PTPRJ: variants seen among roughly 807,000 people sequenced by gnomAD.
PTPRJ encodes receptor-type tyrosine-protein phosphatase eta.
In PTPRJ, 129 loss-of-function variants were observed where a neutral mutation model predicts 141.3. That is an observed-to-expected ratio of 0.91 (90% confidence interval 0.79 to 1.06). The LOEUF (loss-of-function observed/expected upper bound fraction) is 1.06, where lower values mean the gene tolerates loss of function less well. PTPRJ is among the 50% of genes least tolerant of loss of function. PTPRJ has a pLI of 0.00. For synonymous variants in PTPRJ, 610 were observed against 640.5 expected (o/e 0.95, Z 0.72); for missense variants, 1,601 against 1,679.7 (o/e 0.95, Z 0.82).
intron 1 of PTPRJ, among the ~76,000 whole-genome samples, chr11:48,104,287 A>G (rs978748493): frequency 6.6e-6 from 1 of 152,162 alleles, no homozygotes; most frequent in African/African-American, 2.4e-5. Context: ...CTGTCATTTT[A>G]ATGATTTACC....
chr11:48,113,286 A>G (rs2134328510), intron 3 of PTPRJ, among the ~76,000 whole-genome samples: 1 of 152,306 alleles, frequency 6.6e-6, no homozygotes, highest in Middle Eastern at 3.4e-3. Flanking sequence ...TACAAATATC[A>G]AGGTCATCCT....
chr11:48,127,652 A>G, intron 6 of PTPRJ, 128 bp from the exon 7 acceptor site: 1 of 955,308 alleles, frequency 1.0e-6, no homozygotes, highest in Admixed American at 2.4e-5. Flanking sequence ...GCCACGGTTG[A>G]TGGTGCAGAG....
chr11:48,144,721 CA>C lies in PTPRJ; in HGVS notation c.2627del (p.Lys876ArgfsTer8). On this transcript the variant is annotated frameshift_variant, in exon 13 of 25. Coordinates refer to ENST00000418331, the MANE Select transcript of PTPRJ (RefSeq NM_002843.4). LOFTEE classifies it high-confidence loss of function. ...DVLKYTYEDFKKGASDTYVTY... is the reference protein window; with the variant it reads ...DVLKYTYEDFXKGASDTYVTY... ...TCCTGAAATACACGTATGAGGATTTCAAAAAGGGAGCCTCAGATACTTATGT... is the reference window on the plus strand; with the variant it reads ...TCCTGAAATACACGTATGAGGATTTCAAAAGGGAGCCTCAGATACTTATGT... 6.2e-7 allele frequency: 1 copy of C among 1,613,950 alleles called. No individual in the cohort carries two copies. Among genetic ancestry groups the C allele is most frequent in the Non-Finnish European group, 8.5e-7 (1 of 1,179,916 alleles).
chr11:48,144,828 A>G lies in PTPRJ; in HGVS notation c.2729A>G (p.Asn910Ser), dbSNP rs1857313825. 1.9e-6 allele frequency: 3 copies of G among 1,614,224 alleles called. No individual in the cohort carries two copies. The African/African-American group carries it at 4.0e-5, about 22-fold the overall frequency. ...TTGAAATATGAAATTGACGTTGGGA[A>G]TGAGTCAACCACACTTGGTTATTAC... is the stretch of plus-strand genomic sequence containing the variant. Reference protein sequence around the residue: ...EVLKYEIDVGNESTTLGYYNG... With the variant: ...EVLKYEIDVGSESTTLGYYNG... Residue 910 changes from asparagine to serine, a missense_variant, in exon 13 of 25, where the codon AAT becomes AGT. Coordinates refer to ENST00000418331, the MANE Select transcript of PTPRJ (RefSeq NM_002843.4).
At chr11:48,024,462 T>C (rs1590413015) in intron 1 of PTPRJ, among the ~76,000 whole-genome samples, 2 of 152,168 alleles carry the variant, frequency 1.3e-5, no homozygotes, top group East Asian at 3.9e-4. Context: ...CCTTCCAAAG[T>C]GCTGGGATTA....
chr11:48,053,307 AAT>A (rs1009195380), intron 1 of PTPRJ, among the ~76,000 whole-genome samples: 1 of 91,872 alleles, frequency 1.1e-5, no homozygotes, highest in Admixed American at 1.9e-4. Context: ...AAAATATATA[AAT>A]ATATAATATA....
At chr11:48,132,828 G>GA in intron 8 of PTPRJ, 1 of 625,200 alleles carries the variant, frequency 1.6e-6, no homozygotes, top group Non-Finnish European at 2.0e-6. Context: ...TAGTCACTCA[G>GA]AGGATCTGCT....
Position 47,988,745 on chromosome 11 carries a change from T to C in PTPRJ, c.96+7737T>C, listed in dbSNP as rs575737008. Among the ~76,000 whole-genome samples, 4 of 152,288 alleles carry C rather than the reference T, an allele frequency of 2.6e-5. No individual in the cohort carries two copies. In the East Asian group the frequency reaches 5.8e-4, roughly 22 times the overall value. ...TAAAAGTGTGATTGCTGTTGTCAGGTTGTCCTCCAAAAGTGTCCCCTCAGT... is the reference window on the plus strand; with the variant it reads ...TAAAAGTGTGATTGCTGTTGTCAGGCTGTCCTCCAAAAGTGTCCCCTCAGT... On this transcript the variant is annotated intron_variant, in intron 1 of 24. Transcript: ENST00000418331.
At chr11:47,999,980 CT>C (rs1355728237) in intron 1 of PTPRJ, among the ~76,000 whole-genome samples, 1 of 151,504 alleles carries the variant, frequency 6.6e-6, no homozygotes, top group African/African-American at 2.4e-5. Context: ...CCTCAGCCTC[CT>C]GAGTATCTGG....
At chr11:48,086,203 A>T (rs1855703955) in intron 1 of PTPRJ, among the ~76,000 whole-genome samples, 1 of 152,030 alleles carries the variant, frequency 6.6e-6, no homozygotes, top group Non-Finnish European at 1.5e-5. Context: ...TTTGAGACGG[A>T]GTCTCTGTCG....
At chr11:48,162,748 G>A (rs925127915) in intron 22 of PTPRJ, among the ~76,000 whole-genome samples, 1 of 152,202 alleles carries the variant, frequency 6.6e-6, no homozygotes, top group Non-Finnish European at 1.5e-5. Flanking sequence ...GTCAGGGACA[G>A]GACTCGCCCC....
At chr11:47,999,813 T>C (rs1854440877) in intron 1 of PTPRJ, among the ~76,000 whole-genome samples, 1 of 151,504 alleles carries the variant, frequency 6.6e-6, no homozygotes, top group Non-Finnish European at 1.5e-5. Context: ...AAGGCCTTTA[T>C]CAAATGCCAC....
intron 3 of PTPRJ, among the ~76,000 whole-genome samples, chr11:48,116,921 A>C (rs1036152096): frequency 2.0e-5 from 3 of 152,228 alleles, no homozygotes; most frequent in African/African-American, 7.2e-5. Context: ...CTTCTTTAAA[A>C]TGGTGCCATA....
rs1435790986 is a variant in PTPRJ, at chr11:48,144,816, T to A, written c.2717T>A (p.Ile906Asn). ...TTGTCTGAAGTTTTGAAATATGAAATTGACGTTGGGAATGAGTCAACCACA... is the reference window on the plus strand; with the variant it reads ...TTGTCTGAAGTTTTGAAATATGAAAATGACGTTGGGAATGAGTCAACCACA... Reference protein sequence around the residue: ...QSLSEVLKYEIDVGNESTTLG... With the variant: ...QSLSEVLKYENDVGNESTTLG... The change falls in exon 13 of 25, where the codon ATT (isoleucine) becomes AAT (asparagine). Residue 906 changes from isoleucine to asparagine, a missense_variant. Coordinates refer to ENST00000418331, the MANE Select transcript of PTPRJ (RefSeq NM_002843.4). The A allele has an allele frequency of 6.2e-7, 1 of 1,613,998 alleles. No individual in the cohort carries two copies. Among genetic ancestry groups the A allele is most frequent in the African/African-American group, 1.3e-5 (1 of 74,886 alleles).
At chr11:48,120,487 G>A (rs1490445426) in intron 3 of PTPRJ, among the ~76,000 whole-genome samples, 2 of 152,020 alleles carry the variant, frequency 1.3e-5, no homozygotes, top group African/African-American at 4.8e-5. Context: ...GTGCAGTGGC[G>A]CGATCTTGGC....
intron 1 of PTPRJ, among the ~76,000 whole-genome samples, chr11:48,019,888 A>G (rs1855064961): frequency 6.6e-6 from 1 of 152,172 alleles, no homozygotes; most frequent in Non-Finnish European, 1.5e-5. Flanking sequence ...GTACCCTGTT[A>G]TATTTGCTTT....
intron 1 of PTPRJ, among the ~76,000 whole-genome samples, chr11:47,989,744 C>T (rs528475525): frequency 1.3e-5 from 2 of 152,136 alleles, no homozygotes; most frequent in South Asian, 4.1e-4. Flanking sequence ...TCCCCCATGC[C>T]AATTATTTTA....
intron 11 of PTPRJ, among the ~76,000 whole-genome samples, chr11:48,141,660 A>G (rs1014111860): frequency 1.3e-5 from 2 of 152,136 alleles, no homozygotes; most frequent in Non-Finnish European, 2.9e-5. Context: ...GAGTTCCACC[A>G]CAGTCTCTTT....
chr11:48,134,750 G>T (rs980777079), intron 8 of PTPRJ, among the ~76,000 whole-genome samples: 5 of 152,138 alleles, frequency 3.3e-5, no homozygotes, highest in Non-Finnish European at 7.3e-5. Context: ...TTACTTCCGG[G>T]CCTCTATGTA....
Sources: allele counts gnomAD v4.1 joint callset (sites outside exome capture counted in the v4.1 genomes callset), GRCh38; gene constraint gnomAD v4.1.1; transcripts MANE v1.5; gene names NCBI Gene and HGNC (gene_info 2026-07-23, HGNC 2026-07-21).